The following RXRA variants were observed in gnomAD, a reference collection of about 807,000 sequenced individuals.
RXRA encodes retinoid X receptor alpha.
RXRA carries 5 observed loss-of-function variants against 44.5 expected under a neutral mutation model. The ratio of observed to expected loss-of-function variants is 0.11; its 90% CI spans 0.06 to 0.24. The LOEUF is 0.24. Ranked by LOEUF, RXRA falls within the 10% of genes least tolerant of loss-of-function variation. The pLI, the probability that RXRA is intolerant of heterozygous loss-of-function variation, is 1.00. For missense variants in RXRA, 412 were observed against 646.5 expected, an observed-to-expected ratio of 0.64 and a Z score of 3.93; for synonymous variants, 291 against 271.4, an observed-to-expected ratio of 1.07 and a Z score of -0.71.
At chr9:134,421,981 C>A in intron 6 of RXRA, 176 bp downstream of exon 6, 1 of 1,492,952 alleles carries the variant, frequency 6.7e-7, no homozygotes, top group Non-Finnish European at 8.9e-7. Flanking sequence ...GGGACACACT[C>A]CTACCTCCCG....
At chr9:134,408,102 A>T (rs969120722) in intron 2 of RXRA, 47 bp from the exon 3 acceptor site, 2 of 1,464,956 alleles carry the variant, frequency 1.4e-6, no homozygotes, top group Admixed American at 5.0e-5. Flanking sequence ...GGACATAGGG[A>T]CAAACCTGGT....
chr9:134,429,742 A>G (rs1000477308), intron 7 of RXRA, among the ~76,000 whole-genome samples: 1 of 152,156 alleles, frequency 6.6e-6, no homozygotes, highest in Non-Finnish European at 1.5e-5. Flanking sequence ...CTCAGGGGAC[A>G]CACTGGAGGA....
chr9:134,429,320 C>T (rs34844431), intron 7 of RXRA, 80 bp downstream of exon 7: 52 of 1,414,626 alleles, frequency 3.7e-5, no homozygotes, highest in East Asian at 1.4e-4. Flanking sequence ...ACCTTGGCCC[C>T]GGTGCACATC....
chr9:134,429,679 A>G (rs931293909), intron 7 of RXRA, among the ~76,000 whole-genome samples: 3 of 152,082 alleles, frequency 2.0e-5, no homozygotes, highest in African/African-American at 7.2e-5. Context: ...GGGTGTCGGG[A>G]CCGCAGTGCT....
At chr9:134,362,829 G>A (rs1228313110) in intron 1 of RXRA, among the ~76,000 whole-genome samples, 1 of 152,220 alleles carries the variant, frequency 6.6e-6, no homozygotes, top group Non-Finnish European at 1.5e-5. Context: ...CTTAGAGGAG[G>A]GGGCCCACTT....
chr9:134,368,214 G>T lies in RXRA; in HGVS notation c.29-33418G>T, dbSNP rs144856556. On this transcript the variant is annotated intron_variant, in intron 1 of 9. Transcript: ENST00000481739. ...GATGGATGGTCAGTGCCTGGCTGTG[G>T]CTCCCACAGTGCCCTGTGTCCCCAG... 2.5e-3 allele frequency among the ~76,000 whole-genome samples: 382 copies of T among 152,356 alleles called. 1 individual carries two copies. Among genetic ancestry groups the T allele is most frequent in the African/African-American group, 8.6e-3 (356 of 41,588 alleles).
intron 1 of RXRA, among the ~76,000 whole-genome samples, chr9:134,387,627 G>A (rs561061359): frequency 3.9e-5 from 6 of 152,370 alleles, no homozygotes; most frequent in Admixed American, 1.3e-4. Context: ...CAGTGCACCT[G>A]GGGACCACGC....
chr9:134,353,003 G>C (rs1194633693), intron 1 of RXRA, among the ~76,000 whole-genome samples: 3 of 152,070 alleles, frequency 2.0e-5, no homozygotes, highest in Admixed American at 6.5e-5. Context: ...GACGTTTGTT[G>C]ACACCCTCCC....
At chr9:134,385,681 C>A (rs544875555) in intron 1 of RXRA, among the ~76,000 whole-genome samples, 1 of 152,252 alleles carries the variant, frequency 6.6e-6, no homozygotes, top group Non-Finnish European at 1.5e-5. Context: ...TTCTTCCAGG[C>A]CACCACTCCA....
intron 5 of RXRA, among the ~76,000 whole-genome samples, chr9:134,418,492 C>T (rs1831276166): frequency 6.6e-6 from 1 of 152,186 alleles, no homozygotes. Flanking sequence ...GGCCCAGGCA[C>T]ACCAGCCTGC....
intron 7 of RXRA, among the ~76,000 whole-genome samples, chr9:134,430,595 G>C (rs1421942671): frequency 6.6e-6 from 1 of 152,080 alleles, no homozygotes; most frequent in Non-Finnish European, 1.5e-5. Flanking sequence ...GAGGGTCTTT[G>C]CCGCAGGACT....
At chr9:134,408,127 C>A in intron 2 of RXRA, 22 bp from the exon 3 acceptor site, 1 of 1,522,256 alleles carries the variant, frequency 6.6e-7, no homozygotes, top group South Asian at 1.3e-5. Flanking sequence ...ACCCCGCTGA[C>A]TGCTGTGGTT....
intron 1 of RXRA, chr9:134,401,280 A>T: frequency 2.9e-6 from 1 of 349,004 alleles, no homozygotes; most frequent in Non-Finnish European, 5.3e-6. Context: ...CCCGGCCACC[A>T]GCCACTCCTC....
At chr9:134,369,797 G>C (rs1403361859) in intron 1 of RXRA, among the ~76,000 whole-genome samples, 1 of 152,136 alleles carries the variant, frequency 6.6e-6, no homozygotes, top group East Asian at 1.9e-4. Flanking sequence ...AGAGGTGTGG[G>C]AGGAGAGGCT....
At chr9:134,347,643 T>A (rs1554748988) in intron 1 of RXRA, among the ~76,000 whole-genome samples, 2 of 152,118 alleles carry the variant, frequency 1.3e-5, no homozygotes, top group Non-Finnish European at 1.5e-5. Flanking sequence ...GGGAAAGCCC[T>A]CCAGGGGGAT....
intron 1 of RXRA, among the ~76,000 whole-genome samples, chr9:134,383,705 T>TG (rs1263091516): frequency 6.6e-6 from 1 of 152,120 alleles, no homozygotes; most frequent in African/African-American, 2.4e-5. Context: ...GTTAGCATGG[T>TG]GGCATGGTGT....
intron 1 of RXRA, among the ~76,000 whole-genome samples, chr9:134,392,323 C>T (rs142618233): frequency 1.1e-4 from 16 of 152,030 alleles, no homozygotes; most frequent in African/African-American, 2.9e-4. Context: ...CACGATGCCC[C>T]GGGGGGAATG....
chr9:134,439,322 C>T lies in RXRA; in HGVS notation c.*2708C>T, dbSNP rs1350830126. On this transcript the variant is annotated 3_prime_UTR_variant, in exon 10 of 10. Coordinates refer to ENST00000481739, the MANE Select transcript of RXRA (RefSeq NM_002957.6). ...CACCCCGGCACCTTCAGGCACGCTC[C>T]TCAGCTGGTCACCTCCCGGCTTTGC... is the stretch of plus-strand genomic sequence containing the variant. The T allele has an allele frequency of 6.6e-6, 1 of 152,238 alleles. No homozygotes were observed. The highest frequency in any genetic ancestry group is 1.5e-5 in the Non-Finnish European group (1 of 68,044). The allele number at this position is 152,238 out of a possible 1,614,324, so 9.4% of individuals were successfully genotyped here.
chr9:134,353,438 C>T (rs1422694223), intron 1 of RXRA, among the ~76,000 whole-genome samples: 12 of 152,174 alleles, frequency 7.9e-5, no homozygotes, highest in African/African-American at 2.7e-4. Flanking sequence ...GTACACCGCA[C>T]GTGTATGCAC....
Sources: allele counts gnomAD v4.1 joint callset (sites outside exome capture counted in the v4.1 genomes callset), GRCh38; gene constraint gnomAD v4.1.1; transcripts MANE v1.5; gene names NCBI Gene and HGNC (gene_info 2026-07-23, HGNC 2026-07-21).